The following RBFOX1 variants were observed in gnomAD, a reference collection of about 807,000 sequenced individuals.
RBFOX1 encodes RNA binding protein fox-1 homolog 1.
RBFOX1 carries 8 observed loss-of-function variants against 57.7 expected under a neutral mutation model. That is an observed-to-expected ratio of 0.14 (90% CI 0.08 to 0.25). The LOEUF (loss-of-function observed/expected upper bound fraction) is 0.25. Ranked by LOEUF, RBFOX1 falls within the 10% of genes least tolerant of loss-of-function variation. The pLI, the probability that RBFOX1 is intolerant of heterozygous loss-of-function variation, is 1.00. For synonymous variants in RBFOX1, 326 were observed against 222.4 expected (o/e 1.47, Z -4.15); for missense variants, 611 against 548.5 (o/e 1.11, Z -1.14).
chr16:7,111,694 G>A (rs531906458), intron 4 of RBFOX1, among the ~76,000 whole-genome samples: 1 of 152,198 alleles, frequency 6.6e-6, no homozygotes, highest in Non-Finnish European at 1.5e-5. Context: ...TACTTCTGGG[G>A]AAGATGAGGT....
chr16:7,407,049 C>G (rs184152281), intron 4 of RBFOX1, among the ~76,000 whole-genome samples: 28 of 152,126 alleles, frequency 1.8e-4, no homozygotes, highest in South Asian at 4.2e-4. Flanking sequence ...CTCCCCATCT[C>G]GAGACCCTGA....
chr16:6,880,705 G>A (rs2062761267), intron 3 of RBFOX1, among the ~76,000 whole-genome samples: 2 of 152,194 alleles, frequency 1.3e-5, no homozygotes, highest in Admixed American at 6.5e-5. Flanking sequence ...ATGTTCCAGA[G>A]TCAGTTTGAC....
At chr16:7,420,683 A>G (rs1256487376) in intron 4 of RBFOX1, among the ~76,000 whole-genome samples, 1 of 151,748 alleles carries the variant, frequency 6.6e-6, no homozygotes, top group Non-Finnish European at 1.5e-5. Flanking sequence ...TCTTTGATAA[A>G]TAGCAGTAAT....
intron 1 of RBFOX1, among the ~76,000 whole-genome samples, chr16:6,186,241 C>T (rs1332549317): frequency 2.0e-5 from 3 of 152,064 alleles, no homozygotes; most frequent in African/African-American, 4.8e-5. Flanking sequence ...CATTTATAGA[C>T]TGATTCATGA....
chr16:6,715,405 T>C (rs1354882714), intron 3 of RBFOX1, among the ~76,000 whole-genome samples: 1 of 152,148 alleles, frequency 6.6e-6, no homozygotes, highest in African/African-American at 2.4e-5. Flanking sequence ...ATTATAAATA[T>C]GTGATGCCAT....
chr16:7,110,010 G>C (rs1212859130), intron 4 of RBFOX1, among the ~76,000 whole-genome samples: 1 of 152,030 alleles, frequency 6.6e-6, no homozygotes, highest in Non-Finnish European at 1.5e-5. Flanking sequence ...ATCTTACAGG[G>C]AGGAGGAGTT....
intron 1 of RBFOX1, among the ~76,000 whole-genome samples, chr16:6,034,500 C>G (rs1009550172): frequency 2.6e-5 from 4 of 151,990 alleles, no homozygotes; most frequent in African/African-American, 9.7e-5. Flanking sequence ...TTCCTGGCTG[C>G]ATCTTCATAT....
intron 4 of RBFOX1, among the ~76,000 whole-genome samples, chr16:7,508,470 G>C (rs927309016): frequency 6.6e-5 from 10 of 152,134 alleles, no homozygotes; most frequent in Non-Finnish European, 1.5e-4. Context: ...CTGAGCTGGA[G>C]TCTTGTGAGA....
intron 1 of RBFOX1, among the ~76,000 whole-genome samples, chr16:5,446,015 T>C (rs939327505): frequency 3.3e-5 from 5 of 152,242 alleles, no homozygotes; most frequent in Admixed American, 2.6e-4. Context: ...ACATTGATTT[T>C]TTGTTGATGG....
intron 3 of RBFOX1, among the ~76,000 whole-genome samples, chr16:5,647,294 T>G (rs2049085552): frequency 6.6e-6 from 1 of 152,202 alleles, no homozygotes; most frequent in Admixed American, 6.5e-5. Context: ...CAGCTGGGAT[T>G]TAGTTCTACA....
At chr16:5,467,377 C>T in intron 2 of RBFOX1, 3 of 918,064 alleles carry the variant, frequency 3.3e-6, no homozygotes, top group Non-Finnish European at 3.3e-6. Context: ...TGTAATCAAC[C>T]ACAGCACAGT....
At chr16:6,902,227 A>G (rs1596636935) in intron 3 of RBFOX1, among the ~76,000 whole-genome samples, 2 of 152,198 alleles carry the variant, frequency 1.3e-5, no homozygotes, top group African/African-American at 4.8e-5. Context: ...CATTGTGTGG[A>G]ATTACATGTA....
downstream of RBFOX1, among the ~76,000 whole-genome samples, chr16:5,604,855 T>C (rs1365874917): frequency 1.3e-5 from 2 of 152,216 alleles, no homozygotes; most frequent in African/African-American, 4.8e-5. Flanking sequence ...CCTAGTCATC[T>C]GGACGTCTTA....
chr16:6,389,431 G>T (rs1477487196), intron 2 of RBFOX1, among the ~76,000 whole-genome samples: 1 of 152,132 alleles, frequency 6.6e-6, no homozygotes, highest in African/African-American at 2.4e-5. Context: ...CAGTGCTCAA[G>T]AAAATGTGGT....
chr16:6,143,813 A>G (rs1199620261), intron 1 of RBFOX1, among the ~76,000 whole-genome samples: 1 of 151,886 alleles, frequency 6.6e-6, no homozygotes, highest in East Asian at 1.9e-4. Context: ...TTTGTTTTTT[A>G]GAGACAGGGT....
In RBFOX1 at chr16:7,217,035, C is replaced by CCCTT. The variant is rs1567748697; in HGVS notation, c.27+164940_27+164941insTCCT. 4.4e-3 allele frequency among the ~76,000 whole-genome samples: 387 copies of CCCTT among 87,144 alleles called. 8 individuals carry two copies. Among genetic ancestry groups the CCCTT allele is most frequent in the African/African-American group, 0.018 (358 of 19,694 alleles). 57.2% of individuals were successfully genotyped at this position (87,144 alleles called of 152,430 possible). A position where few individuals can be genotyped will look rare whatever the true frequency, so the allele number is the denominator to read the frequency against. ...TCCCTCCCTCCCTCCCTCCCTCCCT[C>CCCTT]CCTCCCTCCCTCCCTCCCTCTCTCT... On this transcript the variant is annotated intron_variant, in intron 4 of 15. Coordinates refer to ENST00000550418, the MANE Select transcript of RBFOX1 (RefSeq NM_018723.4).
At chr16:6,478,859 C>G (rs1640960) in intron 2 of RBFOX1, among the ~76,000 whole-genome samples, 99,177 of 151,802 alleles carry the variant, frequency 0.65, 32,762 homozygotes, top group East Asian at 0.8. Flanking sequence ...TACCATCAAA[C>G]ATTGCTCATC....
intron 4 of RBFOX1, among the ~76,000 whole-genome samples, chr16:7,496,837 A>G (rs2068830119): frequency 1.3e-5 from 2 of 151,996 alleles, no homozygotes; most frequent in African/African-American, 4.8e-5. Flanking sequence ...TCCTATTTAA[A>G]TACAAGTTTA....
intron 1 of RBFOX1, among the ~76,000 whole-genome samples, chr16:5,299,137 A>G (rs115067305): frequency 0.019 from 2,859 of 151,682 alleles, 78 homozygotes; most frequent in African/African-American, 0.065. Context: ...ATCACAATAA[A>G]TTAAATTTGC....
Sources: allele counts gnomAD v4.1 joint callset (sites outside exome capture counted in the v4.1 genomes callset), GRCh38; gene constraint gnomAD v4.1.1; transcripts MANE v1.5; gene names NCBI Gene and HGNC (gene_info 2026-07-23, HGNC 2026-07-21).